The following RNLS variants were observed in gnomAD, a reference collection of about 807,000 sequenced individuals.
RNLS encodes the protein renalase, FAD dependent amine oxidase.
In RNLS, 39 loss-of-function variants were observed where a neutral mutation model predicts 39.8. The ratio of observed to expected loss-of-function variants is 0.98; its 90% confidence interval spans 0.76 to 1.28. The LOEUF (loss-of-function observed/expected upper bound fraction) is 1.28. Ranked by LOEUF, RNLS falls within the 50% of genes most tolerant of loss-of-function variation. RNLS has a pLI of 0.00. For missense variants in RNLS, 410 were observed against 413.3 expected, an observed-to-expected ratio of 0.99 and a Z score of 0.07; for synonymous variants, 147 against 150.7, an observed-to-expected ratio of 0.98 and a Z score of 0.18.
chr10:88,583,034 A>G (rs770758825), intron 1 of RNLS, 39 bp downstream of exon 1: 3 of 1,598,004 alleles, frequency 1.9e-6, no homozygotes, highest in Non-Finnish European at 2.6e-6. Context: ...CCTGCCCGGC[A>G]GTCCTCTTTT....
intron 4 of RNLS, among the ~76,000 whole-genome samples, chr10:88,454,554 G>A (rs1236633048): frequency 6.6e-6 from 1 of 152,256 alleles, no homozygotes; most frequent in East Asian, 1.9e-4. Context: ...ATTTATAAAT[G>A]GCAGGTAAAT....
rs1225505901 is a variant in RNLS at position 88,524,994 on chromosome 10, T to C, written c.526+47909A>G. Among the ~76,000 whole-genome samples the C allele has an allele frequency of 2.6e-4, 33 of 127,516 alleles. No individual in the cohort carries two copies. In the East Asian group the frequency reaches 7.0e-3, roughly 27 times the overall value. The allele number at this position is 127,516 out of a possible 152,430, so 83.7% of individuals were successfully genotyped here. On this transcript the variant is annotated intron_variant, in intron 4 of 6. Coordinates refer to ENST00000331772, the MANE Select transcript of RNLS (RefSeq NM_001031709.3). ...ATATATATATATATATATATATATA[T>C]ATATACACACACACACATACTATGT...
intron 5 of RNLS, among the ~76,000 whole-genome samples, chr10:88,356,409 G>A (rs1050322111): frequency 2.0e-5 from 3 of 152,142 alleles, no homozygotes; most frequent in Non-Finnish European, 4.4e-5. Context: ...TAAAGTTCAC[G>A]GCTATTTGTT....
At chr10:88,335,403 G>C (rs1847414209) in intron 5 of RNLS, among the ~76,000 whole-genome samples, 1 of 151,828 alleles carries the variant, frequency 6.6e-6, no homozygotes, top group Admixed American at 6.6e-5. Flanking sequence ...ATTTTTTATA[G>C]AGATGGGGGT....
Position 88,367,503 on chromosome 10 carries a change from G to A in RNLS, c.527-4778C>T, listed in dbSNP as rs571170664. ...ACATAGGGATTGTTTGTAGATTTTGGTTATTACATATTTAATGTGAAGAAC... is the reference window on the plus strand; with the variant it reads ...ACATAGGGATTGTTTGTAGATTTTGATTATTACATATTTAATGTGAAGAAC... On this transcript the variant is annotated intron_variant, in intron 4 of 6. Coordinates refer to ENST00000331772, the MANE Select transcript of RNLS (RefSeq NM_001031709.3). Among the ~76,000 whole-genome samples, 7 of 152,176 alleles carry A rather than the reference G, an allele frequency of 4.6e-5. No homozygotes were observed. In the South Asian group the frequency reaches 1.5e-3, roughly 32 times the overall value.
At chr10:88,384,251 T>G (rs1851727859) in intron 4 of RNLS, among the ~76,000 whole-genome samples, 1 of 152,188 alleles carries the variant, frequency 6.6e-6, no homozygotes, top group South Asian at 2.1e-4. Context: ...TCAAAATAAT[T>G]GTATAAGTTC....
intron 4 of RNLS, among the ~76,000 whole-genome samples, chr10:88,570,945 T>A (rs978330009): frequency 6.6e-6 from 1 of 151,068 alleles, no homozygotes; most frequent in African/African-American, 2.4e-5. Flanking sequence ...AAATAGTACA[T>A]CTAATATGTT....
chr10:88,268,935 T>G (rs543958005), downstream of RNLS, among the ~76,000 whole-genome samples: 73 of 152,342 alleles, frequency 4.8e-4, no homozygotes, highest in African/African-American at 1.6e-3. Flanking sequence ...CTCCAGCACA[T>G]GGTGGCTTGC....
At chr10:88,387,714 A>G (rs759696752) in intron 4 of RNLS, among the ~76,000 whole-genome samples, 14 of 152,172 alleles carry the variant, frequency 9.2e-5, no homozygotes, top group Admixed American at 2.6e-4. Context: ...AAAATAGTGC[A>G]TGTCTTCTGG....
At chr10:88,470,817 T>C (rs1589849337) in intron 4 of RNLS, among the ~76,000 whole-genome samples, 1 of 152,224 alleles carries the variant, frequency 6.6e-6, no homozygotes, top group South Asian at 2.1e-4. Flanking sequence ...GGTTTCACCA[T>C]GTTGGTCAGG....
At chr10:88,570,972 T>G (rs11202775) in intron 4 of RNLS, among the ~76,000 whole-genome samples, 78 of 51,246 alleles carry the variant, frequency 1.5e-3, no homozygotes, top group African/African-American at 6.5e-3. Context: ...TCTTTTTTTT[T>G]TTTTTTTTTT....
chr10:88,342,820 G>GCTGAGGTGTGACTGGAGAT (rs1564711243), intron 5 of RNLS, among the ~76,000 whole-genome samples: 1 of 152,194 alleles, frequency 6.6e-6, no homozygotes, highest in African/African-American at 2.4e-5. Context: ...TGACTGGAGA[G>GCTGAGGTGTGACTGGAGAT]CTAAGGAGTG....
intron 4 of RNLS, among the ~76,000 whole-genome samples, chr10:88,419,474 G>A (rs182039937): frequency 5.7e-4 from 87 of 152,302 alleles, no homozygotes; most frequent in African/African-American, 1.9e-3. Context: ...GAGGAGAGTC[G>A]AGGAAAACAA....
At chr10:88,349,051 G>A (rs1848500394) in intron 5 of RNLS, among the ~76,000 whole-genome samples, 2 of 152,172 alleles carry the variant, frequency 1.3e-5, no homozygotes, top group Admixed American at 1.3e-4. Context: ...TAGGGACTAT[G>A]GAGTCCTCAG....
intron 4 of RNLS, among the ~76,000 whole-genome samples, chr10:88,390,297 T>C (rs890494075): frequency 1.3e-5 from 2 of 152,318 alleles, no homozygotes; most frequent in African/African-American, 2.4e-5. Context: ...ATTTAGAACA[T>C]TGGACCAGCT....
At chr10:88,523,748 C>A (rs1418363868) in intron 4 of RNLS, among the ~76,000 whole-genome samples, 1 of 152,104 alleles carries the variant, frequency 6.6e-6, no homozygotes, top group African/African-American at 2.4e-5. Flanking sequence ...AAATGCAGAA[C>A]CTAGCTGGGA....
chr10:88,459,551 T>C (rs1434828736), intron 4 of RNLS, among the ~76,000 whole-genome samples: 2 of 152,140 alleles, frequency 1.3e-5, no homozygotes, highest in Non-Finnish European at 2.9e-5. Context: ...TCCAGGGAGC[T>C]TGCTAATCAA....
chr10:88,205,743 A>T, the RNLS span, among the ~76,000 whole-genome samples: 1 of 152,136 alleles, frequency 6.6e-6, no homozygotes, highest in Non-Finnish European at 1.5e-5. Context: ...AAAAAATCAA[A>T]TAGATATAAT....
chr10:88,211,605 A>T, the RNLS span, among the ~76,000 whole-genome samples: 2 of 152,170 alleles, frequency 1.3e-5, no homozygotes, highest in Non-Finnish European at 2.9e-5. Context: ...AAGACGGGAT[A>T]ACATGTGTGA....
Sources: allele counts gnomAD v4.1 joint callset (sites outside exome capture counted in the v4.1 genomes callset), GRCh38; gene constraint gnomAD v4.1.1; transcripts MANE v1.5; gene names NCBI Gene and HGNC (gene_info 2026-07-23, HGNC 2026-07-21).